Variants in SLC10A7 observed in about 807,000 individuals in gnomAD.
SLC10A7 encodes solute carrier family 10 member 7.
In SLC10A7, 29 loss-of-function variants were observed where a neutral mutation model predicts 43.2. The ratio of observed to expected loss-of-function variants is 0.67; its 90% confidence interval spans 0.50 to 0.92. The LOEUF (loss-of-function observed/expected upper bound fraction) is 0.92, where lower values mean the gene tolerates loss of function less well. Ranked by LOEUF, SLC10A7 falls within the 40% of genes least tolerant of loss-of-function variation. The probability of loss-of-function intolerance (pLI) is 0.00; values close to 1 mark genes in which losing one functional copy is unlikely to be tolerated. For synonymous variants in SLC10A7, 152 were observed against 144.8 expected (o/e 1.05, Z -0.35); for missense variants, 295 against 403.2 (o/e 0.73, Z 2.30).
chr4:146,339,946 T>C (rs1734142671), intron 5 of SLC10A7, among the ~76,000 whole-genome samples: 4 of 151,638 alleles, frequency 2.6e-5, no homozygotes, highest in Non-Finnish European at 5.9e-5. Context: ...CCGCATGCAT[T>C]AGATATTTGT....
In SLC10A7 at chr4:146,354,575, C is replaced by T. The variant is rs376548295; in HGVS notation, c.436-28579G>A. ...TATGGAACCAAAAAAGAGCCCGCAT[C>T]GCCAAGTCAATCCTAAGCCAAAAGA... On this transcript the variant is annotated intron_variant, in intron 5 of 11. Coordinates refer to ENST00000335472, the MANE Select transcript of SLC10A7 (RefSeq NM_001029998.6). Among the ~76,000 whole-genome samples, 27 of 147,260 alleles carry T rather than the reference C, an allele frequency of 1.8e-4. No individual in the cohort carries two copies. The South Asian group carries it at 2.6e-3, about 14-fold the overall frequency.
chr4:146,311,551 A>G (rs13117626), intron 6 of SLC10A7, among the ~76,000 whole-genome samples: 71,665 of 151,994 alleles, frequency 0.47, 17,199 homozygotes, highest in Admixed American at 0.57. Flanking sequence ...TTCACCCTTG[A>G]TGATTGGTCT....
intron 5 of SLC10A7, among the ~76,000 whole-genome samples, chr4:146,410,250 T>G (rs570975775): frequency 2.6e-5 from 4 of 152,272 alleles, no homozygotes; most frequent in Admixed American, 2.6e-4. Flanking sequence ...TCTAATAATT[T>G]CCTCCCTATA....
chr4:146,397,905 A>T (rs1738949904), intron 5 of SLC10A7, among the ~76,000 whole-genome samples: 2 of 152,232 alleles, frequency 1.3e-5, no homozygotes, highest in Admixed American at 1.3e-4. Context: ...ATAAAGCAAT[A>T]ACAAACGAAG....
intron 5 of SLC10A7, among the ~76,000 whole-genome samples, chr4:146,353,986 G>A (rs1280200395): frequency 6.8e-6 from 1 of 147,380 alleles, no homozygotes; most frequent in Non-Finnish European, 1.5e-5. Context: ...ACAAGACAGG[G>A]ATGCCCTCTT....
intron 5 of SLC10A7, among the ~76,000 whole-genome samples, chr4:146,410,708 A>G (rs1291392400): frequency 6.6e-6 from 1 of 152,172 alleles, no homozygotes; most frequent in Admixed American, 6.5e-5. Flanking sequence ...GCCAAAAGAA[A>G]AATATTTTAA....
At chr4:146,449,810 G>A (rs529008609) in intron 4 of SLC10A7, among the ~76,000 whole-genome samples, 5 of 152,134 alleles carry the variant, frequency 3.3e-5, no homozygotes, top group South Asian at 2.1e-4. Flanking sequence ...TTTTAAAAAC[G>A]TAGGTTTGGC....
At chr4:146,418,572 TA>T in intron 5 of SLC10A7, among the ~76,000 whole-genome samples, 1 of 152,158 alleles carries the variant, frequency 6.6e-6, no homozygotes, top group Non-Finnish European at 1.5e-5. Context: ...AAAAAAGAAT[TA>T]AAGTTTTTTA....
chr4:146,277,696 C>T (rs191635524), intron 10 of SLC10A7, among the ~76,000 whole-genome samples: 46 of 152,258 alleles, frequency 3.0e-4, no homozygotes, highest in African/African-American at 8.7e-4. Flanking sequence ...TATTTTCTGT[C>T]GTTCCTCTGG....
chr4:146,409,422 A>C (rs911439332), intron 5 of SLC10A7, among the ~76,000 whole-genome samples: 2 of 151,822 alleles, frequency 1.3e-5, no homozygotes, highest in African/African-American at 4.8e-5. Context: ...GGCAAAACTA[A>C]AGGGATAAAA....
intron 5 of SLC10A7, among the ~76,000 whole-genome samples, chr4:146,401,510 TAAAG>T (rs773613187): frequency 6.6e-6 from 1 of 152,092 alleles, no homozygotes; most frequent in African/African-American, 2.4e-5. Context: ...AGAGACGGAA[TAAAG>T]AAAGAACAAA....
Position 146,274,727 on chromosome 4 carries a change from G to C in SLC10A7, c.847+8465C>G, listed in dbSNP as rs536173023. 5.3e-5 allele frequency among the ~76,000 whole-genome samples: 8 copies of C among 152,196 alleles called. No homozygotes were observed. In the East Asian group the frequency reaches 1.5e-3, roughly 29 times the overall value. On this transcript the variant is annotated intron_variant, in intron 10 of 11. Transcript: ENST00000335472. ...TGGAATGAGGAAGAAGGTGATTCCT[G>C]GAAATTAGGGTCCGGGCCTACTGCA... is the stretch of plus-strand genomic sequence containing the variant.
intron 5 of SLC10A7, among the ~76,000 whole-genome samples, chr4:146,337,751 C>A (rs995743588): frequency 2.0e-5 from 3 of 151,048 alleles, no homozygotes; most frequent in Non-Finnish European, 4.4e-5. Context: ...AGATAGAACT[C>A]AACAAAAGGA....
intron 4 of SLC10A7, among the ~76,000 whole-genome samples, chr4:146,469,591 T>G (rs1250128137): frequency 6.6e-6 from 1 of 152,160 alleles, no homozygotes; most frequent in Non-Finnish European, 1.5e-5. Flanking sequence ...CAAGAACATT[T>G]CAACCTATAA....
chr4:146,388,530 G>A (rs920964522), intron 5 of SLC10A7, among the ~76,000 whole-genome samples: 1 of 152,054 alleles, frequency 6.6e-6, no homozygotes, highest in South Asian at 2.1e-4. Context: ...AGGCTGAGGC[G>A]GGTGGATCAT....
At chr4:146,423,714 A>G (rs1189415237) in intron 5 of SLC10A7, among the ~76,000 whole-genome samples, 4 of 152,248 alleles carry the variant, frequency 2.6e-5, no homozygotes, top group Admixed American at 1.3e-4. Context: ...AAAAATAAGA[A>G]GAACGTAATA....
intron 10 of SLC10A7, among the ~76,000 whole-genome samples, chr4:146,279,230 A>G (rs1043042450): frequency 4.6e-5 from 7 of 152,232 alleles, no homozygotes; most frequent in Admixed American, 2.0e-4. Context: ...TAACACAAAC[A>G]TGCTTAACTT....
chr4:146,318,466 C>T (rs1578869255), intron 6 of SLC10A7, among the ~76,000 whole-genome samples: 1 of 152,090 alleles, frequency 6.6e-6, no homozygotes, highest in African/African-American at 2.4e-5. Context: ...ACCAAAATTT[C>T]TCAGTGTTCC....
chr4:146,403,580 C>A (rs1315486175), intron 5 of SLC10A7, among the ~76,000 whole-genome samples: 1 of 152,154 alleles, frequency 6.6e-6, no homozygotes, highest in East Asian at 1.9e-4. Context: ...ATACTTCACA[C>A]CTAACTATGA....
Sources: gnomAD v4.1 joint callset for allele counts (sites outside exome capture counted in the v4.1 genomes callset) on GRCh38, gnomAD v4.1.1 for gene constraint, MANE v1.5 for transcripts, NCBI Gene and HGNC (gene_info 2026-07-23, HGNC 2026-07-21) for gene names.